The following PLBD2 variants were observed in gnomAD, a reference collection of about 807,000 sequenced individuals.
PLBD2 encodes phospholipase B domain containing 2.
Under a neutral mutation model 68.3 loss-of-function variants are expected in PLBD2, and 51 were observed. That is an observed-to-expected ratio of 0.75 (90% CI 0.60 to 0.94). The LOEUF (loss-of-function observed/expected upper bound fraction) is 0.94. Ranked by LOEUF, PLBD2 falls within the 40% of genes least tolerant of loss-of-function variation. PLBD2 has a pLI of 0.00. For missense variants in PLBD2, 729 were observed against 792.2 expected (o/e 0.92, Z 0.96); for synonymous variants, 314 against 339.3 (o/e 0.93, Z 0.82).
intron 1 of PLBD2, among the ~76,000 whole-genome samples, chr12:113,361,350 T>G (rs1011136582): frequency 1.4e-4 from 20 of 146,944 alleles, no homozygotes; most frequent in African/African-American, 4.0e-4. Context: ...TGTTTTTTTT[T>G]TTTTTTTGAG....
At chr12:113,387,199 G>A (rs1957561206) in intron 10 of PLBD2, 110 bp downstream of exon 10, 3 of 1,376,488 alleles carry the variant, frequency 2.2e-6, no homozygotes, top group Non-Finnish European at 9.6e-7. Flanking sequence ...GCCCCAGAGG[G>A]CCAGCAGGGG....
chr12:113,383,243 G>A (rs1330019453), intron 6 of PLBD2, among the ~76,000 whole-genome samples: 1 of 152,080 alleles, frequency 6.6e-6, no homozygotes, highest in Non-Finnish European at 1.5e-5. Context: ...GCCTCAGGCC[G>A]TGCAACTTTT....
Position 113,387,018 on chromosome 12 carries a change from C to G in PLBD2, c.1368C>G (p.Ser456Arg). 1.2e-6 allele frequency: 2 copies of G among 1,611,364 alleles called. No homozygotes were observed. Among genetic ancestry groups the G allele is most frequent in the East Asian group, 2.2e-5 (1 of 44,688 alleles). ...GGGACTGGTTTTCTTATGACGGGAG[C>G]CCCCGGGCCCAGATCTTCCGGCGGA... ...QYGDWFSYDG[S>R]PRAQIFRRNQ... Residue 456 changes from serine (S) to arginine (R), a missense_variant, in exon 10 of 12, where the codon AGC (serine) becomes AGG (arginine). Ser to Arg is a moderately radical substitution (Grantham distance 110, BLOSUM62 -1). Transcript: ENST00000280800.
At chr12:113,374,770 T>C (rs1450308866) in intron 4 of PLBD2, 23 bp from the exon 5 acceptor site, 1 of 1,612,948 alleles carries the variant, frequency 6.2e-7, no homozygotes, top group South Asian at 1.1e-5. Context: ...GTGGTAACCC[T>C]CTGATGCCCT....
chr12:113,371,267 G>T (rs1424799448), intron 2 of PLBD2, among the ~76,000 whole-genome samples: 1 of 152,182 alleles, frequency 6.6e-6, no homozygotes, highest in African/African-American at 2.4e-5. Flanking sequence ...CATGCACAAG[G>T]TACTCAAAGC....
At chr12:113,360,798 G>A (rs1957285437) in intron 1 of PLBD2, among the ~76,000 whole-genome samples, 1 of 152,206 alleles carries the variant, frequency 6.6e-6, no homozygotes, top group Non-Finnish European at 1.5e-5. Flanking sequence ...TGGAATTACA[G>A]GTGTGTGCCA....
intron 10 of PLBD2, 119 bp downstream of exon 10, chr12:113,387,208 G>A: frequency 7.5e-7 from 1 of 1,330,734 alleles, no homozygotes. Context: ...GGCCAGCAGG[G>A]GGTGGTCAGA....
rs761291765 is a variant in PLBD2, at chr12:113,385,317, T to A, written c.1286+34T>A. The A allele has an allele frequency of 3.8e-6, 6 of 1,586,114 alleles. No individual in the cohort carries two copies. In the South Asian group the frequency reaches 5.5e-5, roughly 15 times the overall value. On this transcript the variant is annotated intron_variant, in intron 9 of 11. Coordinates refer to ENST00000280800, the MANE Select transcript of PLBD2 (RefSeq NM_173542.4). The stretch of plus-strand genomic sequence containing the variant: ...CTTCTCACTCCGCTCCCCGTCACCC[T>A]CCAGGGCATCCACCTCACTCCTTGC...
intron 1 of PLBD2, among the ~76,000 whole-genome samples, chr12:113,368,763 A>G (rs1957362901): frequency 6.6e-6 from 1 of 152,136 alleles, no homozygotes; most frequent in Admixed American, 6.6e-5. Flanking sequence ...AGGGGACTCA[A>G]TGAGTTAATA....
intron 5 of PLBD2, among the ~76,000 whole-genome samples, chr12:113,379,304 T>C: frequency 1.8e-5 from 2 of 113,058 alleles, no homozygotes; most frequent in Non-Finnish European, 1.7e-5. Context: ...CAAGACTCTG[T>C]CTCAAAAAAA....
intron 6 of PLBD2, among the ~76,000 whole-genome samples, chr12:113,381,592 G>T (rs1957491167): frequency 6.6e-6 from 1 of 152,046 alleles, no homozygotes; most frequent in Non-Finnish European, 1.5e-5. Context: ...AGGCAAGAGA[G>T]GGCCAGGCGG....
At chr12:113,386,663 C>T (rs1957556313) in intron 9 of PLBD2, among the ~76,000 whole-genome samples, 1 of 152,106 alleles carries the variant, frequency 6.6e-6, no homozygotes, top group Admixed American at 6.5e-5. Context: ...GGATTACAGG[C>T]ACACACCACC....
chr12:113,378,654 G>A (rs1443543826), intron 5 of PLBD2, among the ~76,000 whole-genome samples: 3 of 149,228 alleles, frequency 2.0e-5, no homozygotes, highest in East Asian at 2.0e-4. Context: ...GAGCCTCTGC[G>A]CTGGGTCCCA....
rs1456315689 is a variant in PLBD2 at position 113,388,786 on chromosome 12, G to A, written c.*160G>A. The A allele has an allele frequency of 1.2e-5, 9 of 769,136 alleles. No homozygotes were observed. The highest frequency in any genetic ancestry group is 1.8e-5 in the Non-Finnish European group (9 of 513,700). 47.6% of individuals were successfully genotyped at this position (769,136 alleles called of 1,614,324 possible). A position where few individuals can be genotyped will look rare whatever the true frequency, so the allele number is the denominator to read the frequency against. On this transcript the variant is annotated 3_prime_UTR_variant, in exon 12 of 12. Coordinates refer to ENST00000280800, the MANE Select transcript of PLBD2 (RefSeq NM_173542.4). ...TCCTAGAGTGGGTCACGAACCTGAT[G>A]GGGCTCAGAACTGACCCCCTCTCTC...
intron 6 of PLBD2, among the ~76,000 whole-genome samples, chr12:113,382,119 G>A (rs1261508023): frequency 6.6e-6 from 1 of 152,258 alleles, no homozygotes; most frequent in South Asian, 2.1e-4. Flanking sequence ...CACTGTGCCT[G>A]GCAAATTAGT....
At chr12:113,366,883 G>A (rs1957347108) in intron 1 of PLBD2, among the ~76,000 whole-genome samples, 1 of 151,202 alleles carries the variant, frequency 6.6e-6, no homozygotes, top group African/African-American at 2.4e-5. Context: ...GTGCAGTGGT[G>A]CCATTTTGCT....
At chr12:113,373,088 T>C (rs1449717662) in intron 3 of PLBD2, among the ~76,000 whole-genome samples, 1 of 152,250 alleles carries the variant, frequency 6.6e-6, no homozygotes, top group Non-Finnish European at 1.5e-5. Flanking sequence ...TGTGTACATA[T>C]GGTGTTTTGC....
chr12:113,386,798 T>C (rs540932054), intron 9 of PLBD2, 139 bp from the exon 10 acceptor site: 44 of 945,798 alleles, frequency 4.7e-5, no homozygotes, highest in Middle Eastern at 6.6e-4. Flanking sequence ...GGATTACAGG[T>C]GTGAGCCACT....
At position 113,372,952 on chromosome 12, in the gene PLBD2, T is replaced by G; in HGVS notation, c.543+145T>G. On this transcript the variant is annotated intron_variant, in intron 3 of 11. Coordinates refer to ENST00000280800, the MANE Select transcript of PLBD2 (RefSeq NM_173542.4). This position sits in a 1 kb window ranked among gnomAD's most constrained non-coding sequence, Gnocchi z 4.2. ...TCATCTCCATCCCTCCTAGCCGACC[T>G]GCCACTCATCCATCTGCCCAGTCTC... 1 of 899,512 alleles carries G rather than the reference T, an allele frequency of 1.1e-6. No homozygotes were observed. Among genetic ancestry groups the G allele is most frequent in the Non-Finnish European group, 1.6e-6 (1 of 606,336 alleles). The allele number at this position is 899,512 out of a possible 1,614,324, so 55.7% of individuals were successfully genotyped here. A position where few individuals can be genotyped will look rare whatever the true frequency, so the allele number is the denominator to read the frequency against.
Sources: allele counts gnomAD v4.1 joint callset (sites outside exome capture counted in the v4.1 genomes callset), GRCh38; gene constraint gnomAD v4.1.1; non-coding constraint Gnocchi (gnomAD v3.1); transcripts MANE v1.5; gene names NCBI Gene and HGNC (gene_info 2026-07-23, HGNC 2026-07-21).